Variants in DGKQ observed in about 807,000 individuals in gnomAD.
DGKQ encodes the protein DAG kinase theta.
DGKQ carries 97 observed loss-of-function variants against 104.2 expected under a neutral mutation model. The ratio of observed to expected loss-of-function variants is 0.93; its 90% CI spans 0.79 to 1.10. The LOEUF is 1.10. DGKQ is among the 50% of genes least tolerant of loss of function. The pLI is 0.00. For missense variants in DGKQ, 1,465 were observed against 1,352.1 expected, an observed-to-expected ratio of 1.08 and a Z score of -1.31; for synonymous variants, 736 against 595.2, an observed-to-expected ratio of 1.24 and a Z score of -3.44.
chr4:973,118 C>A, intron 1 of DGKQ, 94 bp downstream of exon 1: 1 of 1,337,188 alleles, frequency 7.5e-7, no homozygotes, highest in Non-Finnish European at 9.6e-7. Flanking sequence ...GCCCTCCACT[C>A]CCCCGAAAGC....
chr4:962,321 A>T (rs1711943603), intron 18 of DGKQ, 114 bp downstream of exon 18: 1 of 1,109,008 alleles, frequency 9.0e-7, no homozygotes, highest in South Asian at 1.5e-5. Flanking sequence ...TGCAGAGGGG[A>T]TGATGCGGGC....
chr4:968,284 G>A lies in DGKQ; in HGVS notation c.661C>T (p.Gln221Ter). ...CCCCTCGACTTCCCAGCGCCCACCT[G>A]GACCCCGCACCACTCGCAGCGCACG... ...AGVRCEWCGVQAHSLCSAALA... is the reference protein window; with the variant it reads ...AGVRCEWCGV Residue 221 changes from glutamine (Q) to a stop codon, truncating the protein, a stop_gained and splice_region_variant, in exon 5 of 23, where the codon CAG becomes TAG. Coordinates refer to ENST00000273814, the MANE Select transcript of DGKQ (RefSeq NM_001347.4). LOFTEE classifies it high-confidence loss of function. 1 of 1,086,284 alleles carries A rather than the reference G, an allele frequency of 9.2e-7. No homozygotes were observed. The highest frequency in any genetic ancestry group is 1.8e-5 in the South Asian group (1 of 56,560). The allele number at this position is 1,086,284 out of a possible 1,614,324, so 67.3% of individuals were successfully genotyped here.
rs143673932 is a variant in DGKQ, at chr4:965,741, C to T, written c.1579+187G>A. Among the ~76,000 whole-genome samples, 615 of 152,296 alleles carry T rather than the reference C, an allele frequency of 4.0e-3. 1 individual carries two copies. The highest frequency in any genetic ancestry group is 6.6e-3 in the Non-Finnish European group (448 of 68,018). On this transcript the variant is annotated intron_variant, in intron 13 of 22. Coordinates refer to ENST00000273814, the MANE Select transcript of DGKQ (RefSeq NM_001347.4). ...AGAGGGAGAGGCAGAGGCTGAGCAC[C>T]GCAGGGAACGGCCACAGAGGGCGAG... is the stretch of plus-strand genomic sequence containing the variant.
chr4:965,155 C>T (rs757067109), intron 15 of DGKQ, 21 bp downstream of exon 15: 184 of 1,606,560 alleles, frequency 1.1e-4, no homozygotes, highest in Non-Finnish European at 1.5e-4. Flanking sequence ...GTGTGAAGAG[C>T]CGGCTTGACC....
intron 12 of DGKQ, 162 bp downstream of exon 12, chr4:966,304 G>T: frequency 1.1e-6 from 1 of 878,838 alleles, no homozygotes; most frequent in Non-Finnish European, 1.7e-6. Context: ...AGGCCTCCCT[G>T]CAGGGACCAA....
chr4:968,689 C>G (rs1712676295), intron 3 of DGKQ, 122 bp downstream of exon 3: 4 of 1,347,482 alleles, frequency 3.0e-6, no homozygotes, highest in Non-Finnish European at 4.1e-6. Context: ...TGTGGCCTGC[C>G]AGGCGGCCAG....
At position 963,125 on chromosome 4, in the gene DGKQ, C is replaced by A. The variant is rs1221973690; in HGVS notation, c.1886+14G>T. The A allele has an allele frequency of 1.9e-6, 3 of 1,586,704 alleles. No homozygotes were observed. The highest frequency in any genetic ancestry group is 1.1e-5 in the South Asian group (1 of 89,510). ...CCTGCTGCTGCCCTGGACCAGGGGT[C>A]CTGCTGGACTCACCCGGGAAGAGGA... On this transcript the variant is annotated intron_variant, in intron 16 of 22. Coordinates refer to ENST00000273814, the MANE Select transcript of DGKQ (RefSeq NM_001347.4).
chr4:962,531 C>T lies in DGKQ; in HGVS notation c.2118G>A (p.Glu706=), dbSNP rs758577213. ...AGCGGTCCATGAGCACGGCGTCGGCCTCGTCCACAGACAGCAGTACGGAGA... is the reference window on the plus strand; with the variant it reads ...AGCGGTCCATGAGCACGGCGTCGGCTTCGTCCACAGACAGCAGTACGGAGA... ...DPFSVLLSVD[E]ADAVLMDRWT... The change falls in exon 18 of 23, where the codon GAG becomes GAA. Residue 706 remains glutamate, a synonymous_variant. Coordinates refer to ENST00000273814, the MANE Select transcript of DGKQ (RefSeq NM_001347.4). The T allele has an allele frequency of 6.2e-7, 1 of 1,610,300 alleles. No individual in the cohort carries two copies. The highest frequency in any genetic ancestry group is 8.5e-7 in the Non-Finnish European group (1 of 1,179,926).
At chr4:970,182 G>C (rs1712819481) in intron 2 of DGKQ, among the ~76,000 whole-genome samples, 1 of 152,240 alleles carries the variant, frequency 6.6e-6, no homozygotes, top group African/African-American at 2.4e-5. Flanking sequence ...GGCGCAGCCG[G>C]ATGCCCGCCA....
rs768766845 is a variant in DGKQ, at chr4:966,743, C to T, written c.1366+5G>A. The T allele has an allele frequency of 6.2e-7, 1 of 1,606,272 alleles. No individual in the cohort carries two copies. Among genetic ancestry groups the T allele is most frequent in the South Asian group, 1.1e-5 (1 of 89,736 alleles). ...CGCCACGCCCAGCACGGGCTGTCTA[C>T]TCACCGTGCCTGCAGCCCATCGCCA... On this transcript the variant is annotated splice_donor_5th_base_variant and intron_variant, in intron 11 of 22. Coordinates refer to ENST00000273814, the MANE Select transcript of DGKQ (RefSeq NM_001347.4).
chr4:970,621 G>A (rs1179784197), intron 2 of DGKQ, among the ~76,000 whole-genome samples: 5 of 152,156 alleles, frequency 3.3e-5, no homozygotes, highest in Non-Finnish European at 5.9e-5. Flanking sequence ...GTGTGATCTT[G>A]CAAACTGAGG....
rs938772596 is a variant in DGKQ at position 966,959 on chromosome 4, C to T, written c.1311+5G>A. On this transcript the variant is annotated splice_donor_5th_base_variant and intron_variant, in intron 10 of 22. Transcript: ENST00000273814. ...CGGCATGGGGAGCAGGCACAGGGTA[C>T]GCACCTGGCGGCCGAGCAGCGGCAG... 5 of 1,559,098 alleles carry T rather than the reference C, an allele frequency of 3.2e-6. No individual in the cohort carries two copies. The highest frequency in any genetic ancestry group is 2.4e-5 in the South Asian group (2 of 84,892).
At chr4:964,883 G>T (rs896474004) in intron 15 of DGKQ, among the ~76,000 whole-genome samples, 18 of 152,198 alleles carry the variant, frequency 1.2e-4, no homozygotes, top group African/African-American at 2.9e-4. Context: ...GTGCAGCGTG[G>T]AAGCTGGGCC....
At position 961,070 on chromosome 4, in the gene DGKQ, G is replaced by T. The variant is rs1241465052; in HGVS notation, c.2706C>A (p.Ile902=). The part of the protein sequence containing the change: ...EPWVQAPGHM[I]ISAAGPKVHM... ...ATACCTTAGGGCCAGCAGCTGAGAT[G>T]ATCATGTGCCCCGGGGCCTGGACCC... The change falls in exon 22 of 23, where the codon ATC becomes ATA. Residue 902 remains isoleucine, a synonymous_variant. Coordinates refer to ENST00000273814, the MANE Select transcript of DGKQ (RefSeq NM_001347.4). 6.2e-7 allele frequency: 1 copy of T among 1,612,332 alleles called. No homozygotes were observed. Among genetic ancestry groups the T allele is most frequent in the Admixed American group, 1.7e-5 (1 of 59,994 alleles).
At chr4:961,923 G>T in intron 19 of DGKQ, 59 bp downstream of exon 19, 1 of 1,609,220 alleles carries the variant, frequency 6.2e-7, no homozygotes. Context: ...GCCTGTTCCT[G>T]CTGGGGGACC....
intron 2 of DGKQ, among the ~76,000 whole-genome samples, chr4:969,911 G>A (rs1322031373): frequency 2.0e-5 from 3 of 152,188 alleles, no homozygotes; most frequent in Non-Finnish European, 4.4e-5. Flanking sequence ...GCGCCCGGCC[G>A]TTAAATACAT....
chr4:967,950 C>A lies in DGKQ; in HGVS notation c.741G>T (p.Ala247=). 6.7e-7 allele frequency: 1 copy of A among 1,484,252 alleles called. No homozygotes were observed. The highest frequency in any genetic ancestry group is 1.3e-5 in the South Asian group (1 of 77,174). 91.9% of individuals were successfully genotyped at this position (1,484,252 alleles called of 1,614,324 possible). The change falls in exon 6 of 23, where the codon GCG becomes GCT. Residue 247 remains alanine (A), a synonymous_variant. Coordinates refer to ENST00000273814, the MANE Select transcript of DGKQ (RefSeq NM_001347.4). ...AGCCGCCGGGCAGAAGGCGCACGCACGCGGGAGGCAGGACCAGGGAGCGCA... is the reference window on the plus strand; with the variant it reads ...AGCCGCCGGGCAGAAGGCGCACGCAAGCGGGAGGCAGGACCAGGGAGCGCA... The part of the protein sequence containing the change: ...GRLRSLVLPP[A]CVRLLPGGFS...
Position 965,499 on chromosome 4 carries a change from G to T in DGKQ, c.1610C>A (p.Ser537Tyr), listed in dbSNP as rs143969193. 15 of 1,611,738 alleles carry T rather than the reference G, an allele frequency of 9.3e-6. No individual in the cohort carries two copies. The highest frequency in any genetic ancestry group is 2.7e-5 in the African/African-American group (2 of 74,922). The change falls in exon 14 of 23, where the codon TCC (serine) becomes TAC (tyrosine). Residue 537 changes from serine to tyrosine, a missense_variant. Ser to Tyr is a moderately radical substitution (Grantham distance 144). Coordinates refer to ENST00000273814, the MANE Select transcript of DGKQ (RefSeq NM_001347.4). Reference protein sequence around the residue: ...ATVVSVSHIYSSQGAVVLDVA... With the variant: ...ATVVSVSHIYYSQGAVVLDVA... ...CCCTCAGGGCAGCTCACCTTGGGAG[G>T]AGTAGATGTGACTCACGGACACCAC...
At chr4:969,272 G>A (rs1207399919) in intron 2 of DGKQ, among the ~76,000 whole-genome samples, 2 of 152,216 alleles carry the variant, frequency 1.3e-5, no homozygotes, top group African/African-American at 4.8e-5. Context: ...AGCGAGGCCC[G>A]CCTGCCACCC....
Sources: allele counts gnomAD v4.1 joint callset (sites outside exome capture counted in the v4.1 genomes callset), GRCh38; gene constraint gnomAD v4.1.1; transcripts MANE v1.5; gene names NCBI Gene and HGNC (gene_info 2026-07-23, HGNC 2026-07-21).